Variants in JMY observed in about 807,000 individuals in gnomAD.
JMY encodes junction mediating and regulatory protein, p53 cofactor.
Under a neutral mutation model 103.3 loss-of-function variants are expected in JMY, and 46 were observed. The ratio of observed to expected loss-of-function variants is 0.45; its 90% CI spans 0.35 to 0.57. The LOEUF is 0.57. Among genes scored for constraint, JMY ranks in the 20% least tolerant of loss-of-function variants. The probability of loss-of-function intolerance (pLI) is 0.00; values close to 1 mark genes in which losing one functional copy is unlikely to be tolerated. For synonymous variants in JMY, 526 were observed against 489.3 expected, an observed-to-expected ratio of 1.07 and a Z score of -0.99; for missense variants, 1,238 against 1,255.2, an observed-to-expected ratio of 0.99 and a Z score of 0.21.
At chr5:79,315,611 AAAC>A (rs1747194014) in intron 9 of JMY, among the ~76,000 whole-genome samples, 1 of 152,178 alleles carries the variant, frequency 6.6e-6, no homozygotes, top group South Asian at 2.1e-4. Context: ...TCTCCATAAT[AAAC>A]AAAAATTAAT....
At chr5:79,284,531 T>C in intron 2 of JMY, 1 of 1,578,216 alleles carries the variant, frequency 6.3e-7, no homozygotes. Flanking sequence ...CAAGTAACCA[T>C]CAATAGTCCT....
chr5:79,258,323 T>TG (rs1745316141), intron 1 of JMY, among the ~76,000 whole-genome samples: 1 of 149,646 alleles, frequency 6.7e-6, no homozygotes, highest in South Asian at 2.2e-4. Context: ...TGTTTTTTTT[T>TG]TTTTTTTGAC....
At position 79,237,534 on chromosome 5, in the gene JMY, A is replaced by G; in HGVS notation, c.884A>G (p.His295Arg). 2 of 1,613,640 alleles carry G rather than the reference A, an allele frequency of 1.2e-6. No individual in the cohort carries two copies. The highest frequency in any genetic ancestry group is 1.7e-6 in the Non-Finnish European group (2 of 1,179,994). Residue 295 changes from histidine (H) to arginine (R), a missense_variant, in exon 1 of 11, where the codon CAC becomes CGC. Coordinates refer to ENST00000396137, the MANE Select transcript of JMY (RefSeq NM_152405.5). ...LCYQLQVYLG[H>R]GLDTCGWKIL... ...TACCAGCTCCAGGTCTACCTGGGCC[A>G]CGGCCTGGACACCTGCGGCTGGAAG...
chr5:79,270,523 A>ATATATTTACATAAATATTTAAAATG lies in JMY; in HGVS notation c.1033-7321_1033-7297dup, dbSNP rs1554049733. ...ATATATTTACATAAATATTTAAAATATATATTTACATAAATATTTAAAATG... is the reference window on the plus strand; with the variant it reads ...ATATATTTACATAAATATTTAAAATATATATTTACATAAATATTTAAAATGTATATTTACATAAATATTTAAAATG... On this transcript the variant is annotated intron_variant, in intron 1 of 10. Transcript: ENST00000396137. Among the ~76,000 whole-genome samples, 193 of 47,882 alleles carry ATATATTTACATAAATATTTAAAATG rather than the reference A, an allele frequency of 4.0e-3. 15 individuals carry two copies. Among genetic ancestry groups the ATATATTTACATAAATATTTAAAATG allele is most frequent in the African/African-American group, 0.019 (138 of 7,308 alleles). The allele number at this position is 47,882 out of a possible 152,430, so 31.4% of individuals were successfully genotyped here.
chr5:79,247,493 T>A (rs1430142038), intron 1 of JMY, among the ~76,000 whole-genome samples: 1 of 151,858 alleles, frequency 6.6e-6, no homozygotes, highest in Non-Finnish European at 1.5e-5. Flanking sequence ...TATTTTTTAG[T>A]TGTTGTTGAA....
chr5:79,253,838 T>A (rs1476941371), intron 1 of JMY, among the ~76,000 whole-genome samples: 1 of 151,892 alleles, frequency 6.6e-6, no homozygotes, highest in Non-Finnish European at 1.5e-5. Flanking sequence ...CCACCACTCT[T>A]TATTTTTTTG....
chr5:79,238,245 T>C (rs1744586218), intron 1 of JMY, among the ~76,000 whole-genome samples: 2 of 152,202 alleles, frequency 1.3e-5, no homozygotes, highest in Non-Finnish European at 2.9e-5. Context: ...TAGAAGTGTT[T>C]TGTTTCTTTT....
At chr5:79,315,271 G>A (rs912233813) in intron 9 of JMY, among the ~76,000 whole-genome samples, 1 of 152,170 alleles carries the variant, frequency 6.6e-6, no homozygotes, top group Non-Finnish European at 1.5e-5. Context: ...GGACTTTTGT[G>A]TATTTGTATA....
At chr5:79,237,755 C>T (rs1744571415) in intron 1 of JMY, 73 bp downstream of exon 1, 2 of 1,394,970 alleles carry the variant, frequency 1.4e-6, no homozygotes, top group Non-Finnish European at 2.0e-6. Context: ...AGGCTGGAGC[C>T]TCGGTGTCGG....
chr5:79,306,239 A>G, intron 6 of JMY, 136 bp from the exon 7 acceptor site: 1 of 624,450 alleles, frequency 1.6e-6, no homozygotes. Context: ...CAGTTGTCCA[A>G]ATAAGAAACA....
intron 1 of JMY, among the ~76,000 whole-genome samples, chr5:79,273,191 A>G (rs1037690632): frequency 3.9e-5 from 6 of 152,136 alleles, no homozygotes; most frequent in Admixed American, 1.3e-4. Context: ...TTTTCCTTCA[A>G]TCTGAACACA....
chr5:79,252,253 T>TGTATTTG (rs1310698015), intron 1 of JMY, among the ~76,000 whole-genome samples: 3 of 152,130 alleles, frequency 2.0e-5, no homozygotes, highest in African/African-American at 7.2e-5. Flanking sequence ...TTAATTTCCA[T>TGTATTTG]GTATTTGTAT....
chr5:79,258,821 A>T (rs1745333459), intron 1 of JMY, among the ~76,000 whole-genome samples: 1 of 152,174 alleles, frequency 6.6e-6, no homozygotes, highest in Non-Finnish European at 1.5e-5. Context: ...AGAGGGCCAC[A>T]GCTCTTCTGT....
chr5:79,270,614 G>GTTTATATAAAATGTATTTACATAAATA lies in JMY; in HGVS notation c.1033-7284_1033-7283insGTATTTACATAAATATTTATATAAAAT. ...ATTTAAAATGTATATTTACATAAAT[G>GTTTATATAAAATGTATTTACATAAATA]TTTATATAAAATATATTTACATAAA... is the stretch of plus-strand genomic sequence containing the variant. On this transcript the variant is annotated intron_variant, in intron 1 of 10. Transcript: ENST00000396137. Among the ~76,000 whole-genome samples the GTTTATATAAAATGTATTTACATAAATA allele has an allele frequency of 3.9e-5, 2 of 51,398 alleles. 1 individual carries two copies. Among genetic ancestry groups the GTTTATATAAAATGTATTTACATAAATA allele is most frequent in the African/African-American group, 1.5e-4 (2 of 13,782 alleles). The allele number at this position is 51,398 out of a possible 152,430, so 33.7% of individuals were successfully genotyped here.
chr5:79,313,105 C>G (rs918480680), intron 8 of JMY, among the ~76,000 whole-genome samples: 4 of 151,952 alleles, frequency 2.6e-5, no homozygotes, highest in Admixed American at 2.6e-4. Flanking sequence ...ACAAGTGTTA[C>G]AGTGGAAAAA....
At chr5:79,309,716 T>C (rs1746990820) in intron 7 of JMY, among the ~76,000 whole-genome samples, 1 of 142,392 alleles carries the variant, frequency 7.0e-6, no homozygotes, top group Non-Finnish European at 1.5e-5. Flanking sequence ...CCATAAACTA[T>C]AAGATTACCT....
chr5:79,301,014 G>A (rs1386389761), intron 6 of JMY, 151 bp downstream of exon 6: 2 of 617,766 alleles, frequency 3.2e-6, no homozygotes, highest in African/African-American at 1.9e-5. Flanking sequence ...TCTGAGAATT[G>A]CCCTCTTAAA....
intron 9 of JMY, among the ~76,000 whole-genome samples, chr5:79,315,246 T>C (rs1580374389): frequency 6.6e-6 from 1 of 152,250 alleles, no homozygotes; most frequent in Non-Finnish European, 1.5e-5. Flanking sequence ...TAACATTTGT[T>C]CATACATTTG....
intron 1 of JMY, among the ~76,000 whole-genome samples, chr5:79,238,605 A>G (rs541416331): frequency 6.6e-6 from 1 of 151,660 alleles, no homozygotes; most frequent in Non-Finnish European, 1.5e-5. Context: ...CTATTAATGC[A>G]ATTGAGATTG....
Sources: gnomAD v4.1 joint callset for allele counts (sites outside exome capture counted in the v4.1 genomes callset) on GRCh38, gnomAD v4.1.1 for gene constraint, MANE v1.5 for transcripts, NCBI Gene and HGNC (gene_info 2026-07-23, HGNC 2026-07-21) for gene names.